CNBD1: variants seen among roughly 807,000 people sequenced by gnomAD.
CNBD1 encodes cyclic nucleotide binding domain containing 1.
CNBD1 carries 71 observed loss-of-function variants against 54.4 expected under a neutral mutation model. The observed-to-expected ratio is 1.30, with a 90% CI of 1.08 to 1.59. CNBD1 has a LOEUF of 1.59. CNBD1 is among the 40% of genes most tolerant of loss of function. The pLI, the probability that CNBD1 is intolerant of heterozygous loss-of-function variation, is 0.00. For missense variants in CNBD1, 659 were observed against 518.0 expected, an observed-to-expected ratio of 1.27 and a Z score of -2.64; for synonymous variants, 182 against 170.7, an observed-to-expected ratio of 1.07 and a Z score of -0.51.
chr8:87,198,870 C>T (rs1186760725), intron 4 of CNBD1, among the ~76,000 whole-genome samples: 3 of 152,146 alleles, frequency 2.0e-5, no homozygotes, highest in Non-Finnish European at 4.4e-5. Flanking sequence ...GTTTAATTGG[C>T]TCACAGTTCT....
chr8:86,984,402 C>A lies in CNBD1; in HGVS notation c.431+44648C>A, dbSNP rs112116038. ...CCCCAACACAGAGTCCCTACTGGGG[C>A]GCAATCTAGTGGAGCTGTGAGAAGA... On this transcript the variant is annotated intron_variant, in intron 4 of 10. Coordinates refer to ENST00000518476, the MANE Select transcript of CNBD1 (RefSeq NM_173538.3). Among the ~76,000 whole-genome samples, 11 of 152,254 alleles carry A rather than the reference C, an allele frequency of 7.2e-5. No individual in the cohort carries two copies. In the South Asian group the frequency reaches 1.7e-3, roughly 23 times the overall value.
At chr8:87,332,670 C>T (rs6468772) in intron 8 of CNBD1, among the ~76,000 whole-genome samples, 42,837 of 151,814 alleles carry the variant, frequency 0.28, 6,747 homozygotes, top group Middle Eastern at 0.41. Context: ...TTAGGTTTGT[C>T]GAATATCAGA....
chr8:87,223,367 A>C (rs1586341144), intron 5 of CNBD1, among the ~76,000 whole-genome samples: 1 of 151,640 alleles, frequency 6.6e-6, no homozygotes, highest in Non-Finnish European at 1.5e-5. Flanking sequence ...CATTAGGTAT[A>C]TCTCCCAATG....
intron 3 of CNBD1, among the ~76,000 whole-genome samples, chr8:86,927,927 T>A (rs1809391144): frequency 6.6e-6 from 1 of 152,040 alleles, no homozygotes; most frequent in Non-Finnish European, 1.5e-5. Flanking sequence ...CCTGAGCTGA[T>A]GGTCTTGCAG....
intron 4 of CNBD1, among the ~76,000 whole-genome samples, chr8:87,146,672 T>A (rs1445356754): frequency 6.6e-6 from 1 of 152,112 alleles, no homozygotes; most frequent in Non-Finnish European, 1.5e-5. Flanking sequence ...TTCCTCTTTT[T>A]CTCTTACTCC....
intron 4 of CNBD1, among the ~76,000 whole-genome samples, chr8:87,055,883 T>TTTCCTTCCTTCCTTCC (rs71277912): frequency 6.5e-5 from 6 of 92,916 alleles, no homozygotes; most frequent in African/African-American, 1.7e-4. Context: ...CTGCTTGACC[T>TTTCCTTCCTTCCTTCC]TTCCTTCCTT....
chr8:87,157,763 T>C (rs1812776121), intron 4 of CNBD1, among the ~76,000 whole-genome samples: 2 of 152,192 alleles, frequency 1.3e-5, no homozygotes. Flanking sequence ...TTTATCTGTT[T>C]TCATTCCTAG....
chr8:87,425,865 C>T (rs1355715000), intron 2 of CNBD1, among the ~76,000 whole-genome samples: 1 of 152,116 alleles, frequency 6.6e-6, no homozygotes, highest in African/African-American at 2.4e-5. Flanking sequence ...AGCTTCCCAG[C>T]TGCTTTGTTT....
intron 2 of CNBD1, among the ~76,000 whole-genome samples, chr8:87,391,375 G>A (rs62528168): frequency 0.041 from 6,171 of 152,140 alleles, 176 homozygotes; most frequent in Non-Finnish European, 0.06. Flanking sequence ...CCTAAAATTC[G>A]TATGGAAACA....
intron 5 of CNBD1, among the ~76,000 whole-genome samples, chr8:87,209,883 C>T (rs1249534850): frequency 2.6e-5 from 4 of 152,138 alleles, no homozygotes; most frequent in African/African-American, 9.7e-5. Flanking sequence ...TTGCATTGCC[C>T]ATAATCTTCC....
chr8:86,928,807 G>T (rs972824634), intron 3 of CNBD1, among the ~76,000 whole-genome samples: 15 of 152,204 alleles, frequency 9.9e-5, no homozygotes, highest in African/African-American at 3.6e-4. Flanking sequence ...GTCTGTAGGA[G>T]ATTTGGCCCT....
chr8:87,427,009 G>T (rs187098538), intron 2 of CNBD1, among the ~76,000 whole-genome samples: 1 of 152,044 alleles, frequency 6.6e-6, no homozygotes, highest in Non-Finnish European at 1.5e-5. Context: ...TTTGGCTTGG[G>T]GCTCCCATGT....
intron 2 of CNBD1, among the ~76,000 whole-genome samples, chr8:87,389,169 C>A (rs973479956): frequency 1.3e-5 from 2 of 152,122 alleles, no homozygotes; most frequent in African/African-American, 4.8e-5. Flanking sequence ...AAACTGGAAG[C>A]ATTCCCTTTG....
At chr8:86,950,657 A>C (rs1807594019) in intron 4 of CNBD1, among the ~76,000 whole-genome samples, 1 of 152,078 alleles carries the variant, frequency 6.6e-6, no homozygotes, top group Admixed American at 6.6e-5. Context: ...ACTGGCTTTG[A>C]GAATGAGTTT....
intron 8 of CNBD1, among the ~76,000 whole-genome samples, chr8:87,332,189 A>G (rs1809849062): frequency 6.6e-6 from 1 of 152,122 alleles, no homozygotes; most frequent in African/African-American, 2.4e-5. Flanking sequence ...CTCTATTAAA[A>G]ATACAAAAAT....
intron 3 of CNBD1, among the ~76,000 whole-genome samples, chr8:86,926,277 G>A (rs1363426240): frequency 6.6e-6 from 1 of 152,104 alleles, no homozygotes; most frequent in South Asian, 2.1e-4. Context: ...GCTGGATAGG[G>A]GTGAAGAAGG....
intron 2 of CNBD1, among the ~76,000 whole-genome samples, chr8:87,388,100 A>G (rs964942633): frequency 2.6e-5 from 4 of 152,216 alleles, no homozygotes; most frequent in Non-Finnish European, 5.9e-5. Context: ...GGACACATTC[A>G]AAACTGTGTA....
intron 8 of CNBD1, among the ~76,000 whole-genome samples, chr8:87,351,437 G>A (rs1170148778): frequency 6.6e-6 from 1 of 152,090 alleles, no homozygotes; most frequent in Non-Finnish European, 1.5e-5. Context: ...CAGTATACTA[G>A]CATATCAGTG....
intron 4 of CNBD1, among the ~76,000 whole-genome samples, chr8:87,140,217 C>G (rs570429728): frequency 3.9e-5 from 6 of 152,202 alleles, no homozygotes; most frequent in Admixed American, 6.5e-5. Context: ...TCTCTTCTCT[C>G]TCTCTCTCTC....
Sources: allele counts gnomAD v4.1 joint callset (sites outside exome capture counted in the v4.1 genomes callset), GRCh38; gene constraint gnomAD v4.1.1; transcripts MANE v1.5; gene names NCBI Gene and HGNC (gene_info 2026-07-23, HGNC 2026-07-21).